The following ELAPOR2 variants were observed in gnomAD, a reference collection of about 807,000 sequenced individuals.
The protein encoded by ELAPOR2 is endosome-lysosome associated apoptosis and autophagy regulator family member 2, also known as endosome/lysosome-associated apoptosis and autophagy regulator family member 2.
In ELAPOR2, 89 loss-of-function variants were observed where a neutral mutation model predicts 120.7. The observed-to-expected ratio is 0.74, with a 90% CI of 0.62 to 0.88. ELAPOR2 has a LOEUF of 0.88. ELAPOR2 is among the 40% of genes least tolerant of loss of function. The probability of loss-of-function intolerance (pLI) is 0.00; values close to 1 mark genes in which losing one functional copy is unlikely to be tolerated. For missense variants in ELAPOR2, 1,134 were observed against 1,251.6 expected (o/e 0.91, Z 1.42); for synonymous variants, 444 against 444.9 (o/e 1.00, Z 0.03).
intron 13 of ELAPOR2, among the ~76,000 whole-genome samples, 179 bp downstream of exon 13, chr7:86,914,544 A>G (rs1157998357): frequency 6.6e-6 from 1 of 152,170 alleles, no homozygotes; most frequent in African/African-American, 2.4e-5. Context: ...ATACATTCTT[A>G]CTCTCAAAAA....
intron 2 of ELAPOR2, among the ~76,000 whole-genome samples, chr7:86,951,647 A>G (rs994904437): frequency 2.6e-5 from 4 of 152,254 alleles, no homozygotes; most frequent in African/African-American, 9.6e-5. Context: ...TAGTTGTGTT[A>G]TATGAATTTA....
intron 21 of ELAPOR2, among the ~76,000 whole-genome samples, chr7:86,884,164 T>C (rs566616664): frequency 6.6e-6 from 1 of 152,194 alleles, no homozygotes; most frequent in Admixed American, 6.5e-5. Context: ...AAAATTGCTA[T>C]TCAAAACAAA....
Position 86,923,534 on chromosome 7 carries a change from A to G in ELAPOR2, c.1399+1994T>C, listed in dbSNP as rs1789921315. On this transcript the variant is annotated intron_variant, in intron 10 of 21. Coordinates refer to ENST00000450689, the MANE Select transcript of ELAPOR2 (RefSeq NM_001142749.3). The stretch of plus-strand genomic sequence containing the variant: ...ATTATTGAAAATTTAGTTTTCTCCT[A>G]TTTTTCACTCTTATAAATAACTCTA... Among the ~76,000 whole-genome samples, 4 of 152,060 alleles carry G rather than the reference A, an allele frequency of 2.6e-5. No individual in the cohort carries two copies. In the South Asian group the frequency reaches 8.3e-4, roughly 32 times the overall value.
intron 1 of ELAPOR2, among the ~76,000 whole-genome samples, chr7:87,011,651 C>T (rs1319991034): frequency 6.6e-6 from 1 of 152,190 alleles, no homozygotes; most frequent in Non-Finnish European, 1.5e-5. Context: ...GTCTTGGGAG[C>T]TTTCACAGAA....
intron 8 of ELAPOR2, among the ~76,000 whole-genome samples, chr7:86,932,747 C>T (rs1020732867): frequency 6.6e-6 from 1 of 151,884 alleles, no homozygotes; most frequent in African/African-American, 2.4e-5. Context: ...CTTTAAATAG[C>T]TGTCGCATTT....
At position 86,984,875 on chromosome 7, in the gene ELAPOR2, C is replaced by CA. The variant is rs563315651; in HGVS notation, c.190-19852dup. 1.1e-3 allele frequency among the ~76,000 whole-genome samples: 165 copies of CA among 152,020 alleles called. 2 individuals are homozygous for CA. In the East Asian group the frequency reaches 0.028, roughly 26 times the overall value. On this transcript the variant is annotated intron_variant, in intron 1 of 21. Coordinates refer to ENST00000450689, the MANE Select transcript of ELAPOR2 (RefSeq NM_001142749.3). ...GGAGATAGAGACATAAAAAACCCTT[C>CA]AAAAAATCAATAAATCCTGGAGCTG...
chr7:86,926,048 A>G (rs1400182266), intron 9 of ELAPOR2, among the ~76,000 whole-genome samples: 2 of 152,040 alleles, frequency 1.3e-5, no homozygotes, highest in Non-Finnish European at 2.9e-5. Flanking sequence ...TGAATAAAGA[A>G]AGATTTCACT....
chr7:87,025,288 G>C (rs1407222800), intron 1 of ELAPOR2, among the ~76,000 whole-genome samples: 1 of 152,084 alleles, frequency 6.6e-6, no homozygotes, highest in Non-Finnish European at 1.5e-5. Flanking sequence ...TCTCTGCCCA[G>C]TATGACCATA....
chr7:87,059,292 C>A, intron 1 of ELAPOR2, 33 bp downstream of exon 1: 2 of 1,246,734 alleles, frequency 1.6e-6, no homozygotes, highest in Non-Finnish European at 2.0e-6. Flanking sequence ...CCTCCCCCAG[C>A]AAACTCCAGG....
chr7:86,911,747 C>A, intron 15 of ELAPOR2: 2 of 496,750 alleles, frequency 4.0e-6, no homozygotes, highest in Middle Eastern at 6.1e-4. Context: ...TCTCAAATAA[C>A]TTCCTGCCTA....
At chr7:87,052,767 GTTTGTTTTCT>G (rs1443758191) in intron 1 of ELAPOR2, among the ~76,000 whole-genome samples, 1 of 102,708 alleles carries the variant, frequency 9.7e-6, no homozygotes, top group African/African-American at 3.0e-5. Context: ...TGATCACAGG[GTTTGTTTTCT>G]TTTGTTTTGT....
In ELAPOR2 at chr7:86,986,354, G is replaced by A. The variant is rs1232685147; in HGVS notation, c.190-21330C>T. ...TGAGGCAGGAGAATGGCGTGAACCC[G>A]GGAGGCGGAGCTTGCAGTGAGCCGA... On this transcript the variant is annotated intron_variant, in intron 1 of 21. Coordinates refer to ENST00000450689, the MANE Select transcript of ELAPOR2 (RefSeq NM_001142749.3). Among the ~76,000 whole-genome samples, 30 of 113,096 alleles carry A rather than the reference G, an allele frequency of 2.7e-4. 8 individuals carry two copies. Among genetic ancestry groups the A allele is most frequent in the African/African-American group, 8.3e-4 (20 of 24,016 alleles). The allele number at this position is 113,096 out of a possible 152,430, so 74.2% of individuals were successfully genotyped here.
intron 1 of ELAPOR2, among the ~76,000 whole-genome samples, chr7:87,026,967 T>C (rs1297655926): frequency 6.6e-6 from 1 of 152,080 alleles, no homozygotes; most frequent in Non-Finnish European, 1.5e-5. Context: ...GATATACAAA[T>C]ATGAGCCAAT....
At chr7:87,046,761 T>C (rs1794969879) in intron 1 of ELAPOR2, among the ~76,000 whole-genome samples, 1 of 152,218 alleles carries the variant, frequency 6.6e-6, no homozygotes, top group African/African-American at 2.4e-5. Context: ...TCTGCCATGA[T>C]TGTTAAGTTT....
At chr7:86,924,810 C>T (rs1327839668) in intron 10 of ELAPOR2, among the ~76,000 whole-genome samples, 1 of 151,148 alleles carries the variant, frequency 6.6e-6, no homozygotes, top group Admixed American at 6.6e-5. Flanking sequence ...TACGTGTTTA[C>T]AATAATTAAA....
chr7:87,045,019 A>C (rs948833149), intron 1 of ELAPOR2, among the ~76,000 whole-genome samples: 1 of 142,200 alleles, frequency 7.0e-6, no homozygotes, highest in African/African-American at 2.8e-5. Context: ...GCTCACCATC[A>C]CTGGCCATCA....
chr7:86,892,846 A>G, intron 20 of ELAPOR2, 76 bp downstream of exon 20: 1 of 1,283,386 alleles, frequency 7.8e-7, no homozygotes, highest in Non-Finnish European at 1.0e-6. Context: ...TTTATTGGAT[A>G]TAATGATCAA....
chr7:87,007,229 A>C (rs1457600683), intron 1 of ELAPOR2, among the ~76,000 whole-genome samples: 1 of 152,172 alleles, frequency 6.6e-6, no homozygotes, highest in African/African-American at 2.4e-5. Context: ...ACAGAACCCT[A>C]GTTAGTAGGT....
chr7:87,041,477 G>C (rs889105674), intron 1 of ELAPOR2, among the ~76,000 whole-genome samples: 3 of 152,050 alleles, frequency 2.0e-5, no homozygotes, highest in Non-Finnish European at 4.4e-5. Context: ...TTAAAGAAAA[G>C]AATTTTCAAC....
Sources: allele counts gnomAD v4.1 joint callset (sites outside exome capture counted in the v4.1 genomes callset), GRCh38; gene constraint gnomAD v4.1.1; transcripts MANE v1.5; gene names NCBI Gene and HGNC (gene_info 2026-07-23, HGNC 2026-07-21).